The following WDR82 variants were observed in gnomAD, a reference collection of about 807,000 sequenced individuals.
The protein encoded by WDR82 is WD repeat domain 82, also known as WD repeat-containing protein 82.
WDR82 carries 8 observed loss-of-function variants against 36.1 expected under a neutral mutation model. The observed-to-expected ratio is 0.22, with a 90% confidence interval of 0.13 to 0.40. The LOEUF (loss-of-function observed/expected upper bound fraction) is 0.40, where lower values mean the gene tolerates loss of function less well. Ranked by LOEUF, WDR82 falls within the 10% of genes least tolerant of loss-of-function variation. WDR82 has a pLI of 1.00. For missense variants in WDR82, 185 were observed against 400.5 expected (o/e 0.46, Z 4.59); for synonymous variants, 129 against 137.8 (o/e 0.94, Z 0.45).
In WDR82 at chr3:52,257,205, A is replaced by G. The variant is rs1447699942; in HGVS notation, c.*285T>C. The G allele has an allele frequency of 2.0e-6, 1 of 500,772 alleles. No homozygotes were observed. The highest frequency in any genetic ancestry group is 3.5e-5 in the East Asian group (1 of 28,216). The allele number at this position is 500,772 out of a possible 1,614,324, so 31.0% of individuals were successfully genotyped here. On this transcript the variant is annotated 3_prime_UTR_variant, in exon 9 of 9. Transcript: ENST00000296490. ...ATTGAAGATGCTTGAGAGCCCCACT[A>G]TACCAAATCGTGAGTCTGGTCACTC...
chr3:52,260,542 C>T, intron 4 of WDR82, 41 bp from the exon 5 acceptor site: 1 of 1,401,596 alleles, frequency 7.1e-7, no homozygotes, highest in Non-Finnish European at 9.7e-7. Context: ...AACACACATG[C>T]CACAACCATA....
intron 3 of WDR82, among the ~76,000 whole-genome samples, chr3:52,262,408 T>C (rs1452083526): frequency 6.6e-6 from 1 of 152,192 alleles, no homozygotes; most frequent in Non-Finnish European, 1.5e-5. Context: ...TGTATCTCAA[T>C]TAAAAAAACA....
chr3:52,273,868 C>T (rs566675904), intron 1 of WDR82, among the ~76,000 whole-genome samples: 4 of 152,262 alleles, frequency 2.6e-5, no homozygotes, highest in East Asian at 3.9e-4. Context: ...GCGATCCACC[C>T]GCCTCGGCCT....
At chr3:52,259,288 C>G in intron 6 of WDR82, 22 bp from the exon 7 acceptor site, 1 of 1,612,134 alleles carries the variant, frequency 6.2e-7, no homozygotes, top group African/African-American at 1.3e-5. Context: ...CAGAGCAGTT[C>G]TTTTGTTCTT....
intron 5 of WDR82, 121 bp from the exon 6 acceptor site, chr3:52,259,993 T>C: frequency 1.6e-6 from 2 of 1,228,390 alleles, no homozygotes; most frequent in Middle Eastern, 5.8e-4. Flanking sequence ...GAGCTACTTC[T>C]CTGCCACTCT....
At chr3:52,268,174 C>T in intron 2 of WDR82, 1 of 341,718 alleles carries the variant, frequency 2.9e-6, no homozygotes, top group Non-Finnish European at 6.4e-6. Context: ...AATGACTCAC[C>T]TGCCCTAAGA....
intron 1 of WDR82, among the ~76,000 whole-genome samples, chr3:52,271,134 C>G (rs1700149728): frequency 6.6e-6 from 1 of 152,156 alleles, no homozygotes; most frequent in African/African-American, 2.4e-5. Flanking sequence ...ACATTTTTAT[C>G]AACAACAGAC....
intron 1 of WDR82, among the ~76,000 whole-genome samples, chr3:52,275,195 T>G (rs1700192374): frequency 6.6e-6 from 1 of 152,196 alleles, no homozygotes; most frequent in Non-Finnish European, 1.5e-5. Flanking sequence ...CACTCCAGCC[T>G]GGGCAACAAG....
intron 1 of WDR82, among the ~76,000 whole-genome samples, chr3:52,276,004 T>C (rs1700199879): frequency 6.6e-6 from 1 of 152,222 alleles, no homozygotes; most frequent in Non-Finnish European, 1.5e-5. Flanking sequence ...ATGAAGCAAA[T>C]GCAGAAAATG....
rs1005824441 is a variant in WDR82, at chr3:52,266,784, T to A, written c.326+168A>T. Among the ~76,000 whole-genome samples the A allele has an allele frequency of 6.6e-5, 10 of 152,246 alleles. No homozygotes were observed. In the East Asian group the frequency reaches 1.9e-3, roughly 29 times the overall value. On this transcript the variant is annotated intron_variant, in intron 3 of 8. Transcript: ENST00000296490. ...ATCTCTGAACACCTACCTCTGCACC[T>A]CTATAACCTCAGTAAATCAAGAGTT...
rs1700004095 is a variant in WDR82 at position 52,256,057 on chromosome 3, CACAGGCACAG to C, written c.*1423_*1432del. The C allele has an allele frequency of 1.3e-5, 2 of 153,746 alleles. No individual in the cohort carries two copies. The highest frequency in any genetic ancestry group is 2.9e-5 in the Non-Finnish European group (2 of 68,128). The allele number at this position is 153,746 out of a possible 1,614,324, so 9.5% of individuals were successfully genotyped here. A position where few individuals can be genotyped will look rare whatever the true frequency, so the allele number is the denominator to read the frequency against. On this transcript the variant is annotated 3_prime_UTR_variant, in exon 9 of 9. Transcript: ENST00000296490. ...TGCAAGAGTGACTATCACACACACA[CACAGGCACAG>C]ACAGAGTACCACCAAGCAAAAAGGG...
intron 3 of WDR82, among the ~76,000 whole-genome samples, chr3:52,264,899 T>C (rs1700092028): frequency 6.6e-6 from 1 of 152,006 alleles, no homozygotes; most frequent in African/African-American, 2.4e-5. Flanking sequence ...CAAGCGATCC[T>C]CTCACCTCAG....
intron 1 of WDR82, among the ~76,000 whole-genome samples, chr3:52,275,019 C>A (rs1401782452): frequency 6.6e-6 from 1 of 152,052 alleles, no homozygotes; most frequent in Non-Finnish European, 1.5e-5. Context: ...GTCGGGAATT[C>A]GAGACCAGCC....
intron 3 of WDR82, among the ~76,000 whole-genome samples, chr3:52,265,702 AGTAGTAG>A (rs1700100127): frequency 6.6e-6 from 1 of 151,760 alleles, no homozygotes; most frequent in East Asian, 1.9e-4. Flanking sequence ...GAGCCTCCGA[AGTAGTAG>A]GAATTACAGG....
At chr3:52,276,993 A>G (rs188478862) in intron 1 of WDR82, among the ~76,000 whole-genome samples, 42 of 151,236 alleles carry the variant, frequency 2.8e-4, no homozygotes, top group Admixed American at 2.2e-3. Context: ...GTTCCAAAAG[A>G]AGGACACCAG....
chr3:52,259,569 G>A (rs1294387689), intron 6 of WDR82, 148 bp downstream of exon 6: 2 of 1,007,792 alleles, frequency 2.0e-6, no homozygotes, highest in South Asian at 1.7e-5. Context: ...TCCAAGAGAG[G>A]TAAGTTCATG....
Position 52,257,524 on chromosome 3 carries a change from AAGG to A in WDR82, c.913-8_913-6del, listed in dbSNP as rs1453209110. On this transcript the variant is annotated splice_polypyrimidine_tract_variant and splice_region_variant and intron_variant, in intron 8 of 8. Transcript: ENST00000296490. ...AATGGTGGGCAACCAAAAGGCCTAG[AAGG>A]AGAACATAAATCAACTTTAAAAAGC... 5 of 1,613,980 alleles carry A rather than the reference AAGG, an allele frequency of 3.1e-6. No homozygotes were observed. In the African/African-American group the frequency reaches 6.7e-5, roughly 22 times the overall value.
In WDR82 at chr3:52,278,444, C is replaced by T. The variant is rs1700228036; in HGVS notation, c.-83G>A. 2 of 1,142,568 alleles carry T rather than the reference C, an allele frequency of 1.8e-6. No individual in the cohort carries two copies. The highest frequency in any genetic ancestry group is 9.4e-5 in the Admixed American group (2 of 21,292). 70.8% of individuals were successfully genotyped at this position (1,142,568 alleles called of 1,614,324 possible). A position where few individuals can be genotyped will look rare whatever the true frequency, so the allele number is the denominator to read the frequency against. On this transcript the variant is annotated 5_prime_UTR_variant, in exon 1 of 9. Transcript: ENST00000296490. ...CGGGCGGGCTGCCGAGGGGCCAACCCAGGCGGGGCGGGCGCCGCGCCGGCG... is the reference window on the plus strand; with the variant it reads ...CGGGCGGGCTGCCGAGGGGCCAACCTAGGCGGGGCGGGCGCCGCGCCGGCG...
chr3:52,264,284 G>C (rs1700087048), intron 3 of WDR82, among the ~76,000 whole-genome samples: 1 of 152,178 alleles, frequency 6.6e-6, no homozygotes, highest in Non-Finnish European at 1.5e-5. Context: ...ATCAGCGATG[G>C]AGATAAGAAA....
Sources: gnomAD v4.1 joint callset for allele counts (sites outside exome capture counted in the v4.1 genomes callset) on GRCh38, gnomAD v4.1.1 for gene constraint, MANE v1.5 for transcripts, NCBI Gene and HGNC (gene_info 2026-07-23, HGNC 2026-07-21) for gene names.